FBXL13: variants seen among roughly 807,000 people sequenced by gnomAD.
The protein encoded by FBXL13 is F-box and leucine-rich repeat protein 13.
In FBXL13, 67 loss-of-function variants were observed where a neutral mutation model predicts 83.6. That is an observed-to-expected ratio of 0.80 (90% CI 0.66 to 0.98). The LOEUF (loss-of-function observed/expected upper bound fraction) is 0.98, where lower values mean the gene tolerates loss of function less well. FBXL13 is among the 50% of genes least tolerant of loss of function. FBXL13 has a pLI of 0.00. For synonymous variants in FBXL13, 272 were observed against 299.5 expected, an observed-to-expected ratio of 0.91 and a Z score of 0.95; for missense variants, 822 against 866.5, an observed-to-expected ratio of 0.95 and a Z score of 0.64.
intron 6 of FBXL13, among the ~76,000 whole-genome samples, chr7:102,987,362 A>G (rs1162837950): frequency 6.6e-6 from 1 of 152,194 alleles, no homozygotes; most frequent in Non-Finnish European, 1.5e-5. Context: ...CTCTCTATGA[A>G]GTAAAAAGGG....
At chr7:103,025,009 C>T (rs955521656) in intron 6 of FBXL13, 54 bp downstream of exon 7, 21 of 1,388,362 alleles carry the variant, frequency 1.5e-5, no homozygotes, top group Non-Finnish European at 1.8e-5. Context: ...TACAGGCATG[C>T]ACCACCACAC....
Position 102,901,173 on chromosome 7 carries a change from C to A in FBXL13, c.1008+11913G>T, listed in dbSNP as rs1473043610. ...AGTTCTTCCCATTTTTAAAGAGAAG[C>A]TTGAAATCTAGAATGTTTTGTGAAA... On this transcript the variant is annotated intron_variant, in intron 11 of 19. Transcript: ENST00000313221. Among the ~76,000 whole-genome samples the A allele has an allele frequency of 3.3e-5, 5 of 152,258 alleles. No homozygotes were observed. In the East Asian group the frequency reaches 9.6e-4, roughly 29 times the overall value.
chr7:102,962,512 T>C (rs1309255701), intron 8 of FBXL13, among the ~76,000 whole-genome samples: 1 of 152,196 alleles, frequency 6.6e-6, no homozygotes, highest in African/African-American at 2.4e-5. Flanking sequence ...GAAATCATGC[T>C]GCTATAAAGA....
intron 8 of FBXL13, among the ~76,000 whole-genome samples, chr7:102,951,766 G>C (rs544050284): frequency 4.5e-5 from 6 of 134,088 alleles, no homozygotes; most frequent in Non-Finnish European, 9.2e-5. Flanking sequence ...GATCATGCCA[G>C]TGTACTCCAG....
intron 8 of FBXL13, among the ~76,000 whole-genome samples, chr7:102,936,595 T>G (rs578109808): frequency 6.6e-6 from 1 of 152,320 alleles, no homozygotes; most frequent in Non-Finnish European, 1.5e-5. Context: ...GTGCTTAGAT[T>G]GAAAACTGGA....
chr7:102,821,669 C>T (rs1178986511), intron 19 of FBXL13, among the ~76,000 whole-genome samples: 2 of 152,142 alleles, frequency 1.3e-5, no homozygotes, highest in Non-Finnish European at 2.9e-5. Context: ...CACATTTTTG[C>T]CCTCAGTCAA....
chr7:102,928,364 T>C (rs1818523877), intron 9 of FBXL13, among the ~76,000 whole-genome samples: 1 of 152,218 alleles, frequency 6.6e-6, no homozygotes, highest in Non-Finnish European at 1.5e-5. Context: ...TTGTCCACAA[T>C]GTACTCAAAT....
intron 6 of FBXL13, among the ~76,000 whole-genome samples, chr7:102,974,244 G>T (rs1827159079): frequency 6.6e-6 from 1 of 152,042 alleles, no homozygotes; most frequent in Non-Finnish European, 1.5e-5. Flanking sequence ...CAAAAAATTA[G>T]CCGGGCATGG....
At chr7:102,823,037 G>A (rs886732888) in intron 18 of FBXL13, among the ~76,000 whole-genome samples, 7 of 152,108 alleles carry the variant, frequency 4.6e-5, no homozygotes, top group African/African-American at 9.7e-5. Context: ...ACTGGGTGAC[G>A]TAGCCTCAGT....
chr7:102,944,759 T>C (rs936159728), intron 8 of FBXL13: 13 of 675,292 alleles, frequency 1.9e-5, no homozygotes, highest in Admixed American at 3.3e-5. Context: ...TTGTGACTAT[T>C]ATAGTAATCA....
intron 18 of FBXL13, among the ~76,000 whole-genome samples, chr7:102,823,011 G>A (rs1169840577): frequency 2.0e-5 from 3 of 152,260 alleles, no homozygotes; most frequent in Non-Finnish European, 2.9e-5. Flanking sequence ...TCAGTGAGCC[G>A]AGATCACGCC....
intron 11 of FBXL13, among the ~76,000 whole-genome samples, chr7:102,912,233 T>C (rs1042394727): frequency 6.6e-6 from 1 of 152,094 alleles, no homozygotes; most frequent in Non-Finnish European, 1.5e-5. Flanking sequence ...CAGAAGTAAA[T>C]CTGATCTGTG....
intron 8 of FBXL13, 25 bp downstream of exon 9, chr7:102,963,508 A>C (rs759734553): frequency 1.2e-6 from 2 of 1,601,708 alleles, no homozygotes; most frequent in Non-Finnish European, 1.7e-6. Context: ...AAAGCAAGAC[A>C]AATAGTTGTA....
chr7:102,811,316 T>A (rs1202762088), downstream of FBXL13, among the ~76,000 whole-genome samples: 1 of 152,338 alleles, frequency 6.6e-6, no homozygotes, highest in East Asian at 1.9e-4. Context: ...CACAGACCTA[T>A]GAATATGAAA....
At chr7:102,914,748 G>A (rs1398983825) in intron 10 of FBXL13, among the ~76,000 whole-genome samples, 1 of 152,244 alleles carries the variant, frequency 6.6e-6, no homozygotes, top group Non-Finnish European at 1.5e-5. Flanking sequence ...CAGTGACTAG[G>A]TGGGCAGGGC....
chr7:102,938,888 G>C (rs1820842790), intron 8 of FBXL13, among the ~76,000 whole-genome samples: 1 of 152,146 alleles, frequency 6.6e-6, no homozygotes, highest in Non-Finnish European at 1.5e-5. Flanking sequence ...TTTTACCCAG[G>C]ACTGCTGCTG....
In FBXL13 at chr7:102,822,222, T is replaced by C; in HGVS notation, c.1855-19A>G. On this transcript the variant is annotated intron_variant, in intron 18 of 19. Coordinates refer to ENST00000313221, the Ensembl canonical transcript of FBXL13. The stretch of plus-strand genomic sequence containing the variant: ...CAGTAATCTGAACACAGAGCCAAAG[T>C]AAGTACTGGTTATTCAAACACTATC... The C allele has an allele frequency of 6.2e-7, 1 of 1,612,592 alleles. No homozygotes were observed. Among genetic ancestry groups the C allele is most frequent in the Non-Finnish European group, 8.5e-7 (1 of 1,178,936 alleles).
At chr7:103,060,893 T>A (rs1797836938) in intron 1 of FBXL13, among the ~76,000 whole-genome samples, 1 of 152,214 alleles carries the variant, frequency 6.6e-6, no homozygotes, top group Non-Finnish European at 1.5e-5. Context: ...TAAAGCAGTA[T>A]CTCACAAATG....
At chr7:102,906,158 C>A (rs1042214627) in intron 11 of FBXL13, among the ~76,000 whole-genome samples, 1 of 152,144 alleles carries the variant, frequency 6.6e-6, no homozygotes, top group African/African-American at 2.4e-5. Context: ...ATGGGAAAGA[C>A]CTGCCCCCAT....
Sources: gnomAD v4.1 joint callset for allele counts (sites outside exome capture counted in the v4.1 genomes callset) on GRCh38, gnomAD v4.1.1 for gene constraint, MANE v1.5 for transcripts, NCBI Gene and HGNC (gene_info 2026-07-23, HGNC 2026-07-21) for gene names.